GLIS3: variants seen among roughly 807,000 people sequenced by gnomAD.
GLIS3 encodes zinc finger protein GLIS3.
In GLIS3, 53 loss-of-function variants were observed where a neutral mutation model predicts 78.6. The ratio of observed to expected loss-of-function variants is 0.67; its 90% CI spans 0.54 to 0.85. GLIS3 has a LOEUF of 0.85. Ranked by LOEUF, GLIS3 falls within the 40% of genes least tolerant of loss-of-function variation. GLIS3 has a pLI of 0.00. For synonymous variants in GLIS3, 684 were observed against 509.9 expected (o/e 1.34, Z -4.60); for missense variants, 1,703 against 1,231.1 (o/e 1.38, Z -5.74).
chr9:4,231,429 T>A (rs1214711124), intron 2 of GLIS3, among the ~76,000 whole-genome samples: 2 of 152,110 alleles, frequency 1.3e-5, no homozygotes, highest in African/African-American at 4.8e-5. Flanking sequence ...CCAATATATA[T>A]CTAATATCAA....
chr9:4,267,140 C>T (rs1052955464), intron 2 of GLIS3, among the ~76,000 whole-genome samples: 2 of 152,130 alleles, frequency 1.3e-5, no homozygotes, highest in African/African-American at 4.8e-5. Context: ...GACACCCACC[C>T]CCACACACAC....
chr9:3,910,571 A>G (rs2130678713), intron 6 of GLIS3, among the ~76,000 whole-genome samples: 1 of 152,298 alleles, frequency 6.6e-6, no homozygotes, highest in African/African-American at 2.4e-5. Context: ...GGCTAGTCTC[A>G]AATTCCTGGA....
intron 3 of GLIS3, among the ~76,000 whole-genome samples, chr9:4,120,746 T>C (rs941011598): frequency 6.6e-6 from 1 of 152,240 alleles, no homozygotes; most frequent in Non-Finnish European, 1.5e-5. Flanking sequence ...CATGCCTGAA[T>C]GGATGCACAT....
At chr9:4,447,119 C>G in the GLIS3 span, among the ~76,000 whole-genome samples, 2 of 152,140 alleles carry the variant, frequency 1.3e-5, no homozygotes, top group Non-Finnish European at 2.9e-5. Context: ...ACAATCGCAG[C>G]TCACTGCAGC....
rs74784491 is a variant in GLIS3 at position 3,832,454 on chromosome 9, A to G, written c.2474-2962T>C. Among the ~76,000 whole-genome samples the G allele has an allele frequency of 3.3e-3, 496 of 152,286 alleles. 6 individuals carry two copies. The East Asian group carries it at 0.06, about 18-fold the overall frequency. On this transcript the variant is annotated intron_variant, in intron 9 of 10. Coordinates refer to ENST00000381971, the MANE Select transcript of GLIS3 (RefSeq NM_001042413.2). ...TTGGCCTTTTGAAGACCTGAGCTGTATACCTCTTCTTGCTCATGGCTCCTC... is the reference window on the plus strand; with the variant it reads ...TTGGCCTTTTGAAGACCTGAGCTGTGTACCTCTTCTTGCTCATGGCTCCTC...
At chr9:3,994,088 T>C (rs1820545500) in intron 4 of GLIS3, among the ~76,000 whole-genome samples, 4 of 152,142 alleles carry the variant, frequency 2.6e-5, no homozygotes, top group African/African-American at 7.2e-5. Flanking sequence ...ATCTGCATTT[T>C]TTAAAAGTTC....
chr9:4,004,236 G>C (rs928315970), intron 4 of GLIS3, among the ~76,000 whole-genome samples: 1 of 152,190 alleles, frequency 6.6e-6, no homozygotes, highest in Non-Finnish European at 1.5e-5. Context: ...CTTTTTATCA[G>C]TTGACTGATT....
chr9:4,126,360 T>G (rs531461656), intron 2 of GLIS3, among the ~76,000 whole-genome samples: 1 of 152,250 alleles, frequency 6.6e-6, no homozygotes, highest in African/African-American at 2.4e-5. Context: ...TTAACTGGTT[T>G]ACTTCATTCC....
intron 4 of GLIS3, among the ~76,000 whole-genome samples, chr9:3,963,965 C>T (rs1047147983): frequency 6.6e-6 from 1 of 152,332 alleles, no homozygotes; most frequent in East Asian, 1.9e-4. Flanking sequence ...TTTTTCCAAT[C>T]TGTGATGGTG....
intron 2 of GLIS3, among the ~76,000 whole-genome samples, chr9:4,231,887 T>C (rs1822285201): frequency 6.6e-6 from 1 of 152,138 alleles, no homozygotes; most frequent in African/African-American, 2.4e-5. Flanking sequence ...ACAAAGCCAA[T>C]CAACAAAGCC....
chr9:3,886,851 T>C (rs913092875), intron 7 of GLIS3, among the ~76,000 whole-genome samples: 1 of 152,174 alleles, frequency 6.6e-6, no homozygotes, highest in African/African-American at 2.4e-5. Flanking sequence ...TTGAGGTTAA[T>C]TGGAGAACGA....
chr9:4,426,257 G>A, the GLIS3 span, among the ~76,000 whole-genome samples: 1 of 152,160 alleles, frequency 6.6e-6, no homozygotes, highest in Non-Finnish European at 1.5e-5. Flanking sequence ...AGAAGCTTCA[G>A]TTGTTCATAG....
At chr9:4,045,746 C>T (rs181375407) in intron 4 of GLIS3, among the ~76,000 whole-genome samples, 1 of 152,248 alleles carries the variant, frequency 6.6e-6, no homozygotes, top group African/African-American at 2.4e-5. Context: ...TGAAATTAAA[C>T]ACAGTCTCGC....
chr9:4,077,894 G>A (rs1564018216), intron 4 of GLIS3, among the ~76,000 whole-genome samples: 1 of 152,160 alleles, frequency 6.6e-6, no homozygotes, highest in Non-Finnish European at 1.5e-5. Flanking sequence ...GAGCTTCTAA[G>A]TTTTAATAAT....
intron 9 of GLIS3, among the ~76,000 whole-genome samples, chr9:3,836,911 T>G (rs1263803284): frequency 6.6e-6 from 1 of 152,174 alleles, no homozygotes; most frequent in Non-Finnish European, 1.5e-5. Flanking sequence ...GCATTCTGCT[T>G]GTTAGTTAAG....
Position 4,075,332 on chromosome 9 carries a change from G to A in GLIS3, c.1710+42436C>T, listed in dbSNP as rs1374113762. 2.6e-5 allele frequency among the ~76,000 whole-genome samples: 4 copies of A among 151,780 alleles called. No individual in the cohort carries two copies. In the East Asian group the frequency reaches 7.7e-4, roughly 29 times the overall value. On this transcript the variant is annotated intron_variant, in intron 4 of 10. Coordinates refer to ENST00000381971, the MANE Select transcript of GLIS3 (RefSeq NM_001042413.2). ...ACCTATAATCCCAGCACTTTGGGAG[G>A]CTGAGGTGGGCGGATGACAAGGTCA...
At chr9:4,432,677 G>C in the GLIS3 span, among the ~76,000 whole-genome samples, 1 of 108,010 alleles carries the variant, frequency 9.3e-6, no homozygotes, top group Non-Finnish European at 1.8e-5. Context: ...GTTTTGCTCT[G>C]CCACCCAGGC....
At chr9:3,940,552 G>C (rs1276670213) in intron 4 of GLIS3, among the ~76,000 whole-genome samples, 1 of 152,140 alleles carries the variant, frequency 6.6e-6, no homozygotes, top group Non-Finnish European at 1.5e-5. Flanking sequence ...GGAACCATGA[G>C]CCCAGGACTC....
chr9:3,990,810 A>T (rs1820172847), intron 4 of GLIS3, among the ~76,000 whole-genome samples: 1 of 152,198 alleles, frequency 6.6e-6, no homozygotes, highest in Non-Finnish European at 1.5e-5. Context: ...ATTTTCTACA[A>T]ATTAAATTTC....
Sources: gnomAD v4.1 joint callset for allele counts (sites outside exome capture counted in the v4.1 genomes callset) on GRCh38, gnomAD v4.1.1 for gene constraint, MANE v1.5 for transcripts, NCBI Gene and HGNC (gene_info 2026-07-23, HGNC 2026-07-21) for gene names.